The following ZBTB20 variants were observed in gnomAD, a reference collection of about 807,000 sequenced individuals.
The protein encoded by ZBTB20 is zinc finger and BTB domain-containing protein 20.
In ZBTB20, 9 loss-of-function variants were observed where a neutral mutation model predicts 56.9. The ratio of observed to expected loss-of-function variants is 0.16; its 90% CI spans 0.10 to 0.28. ZBTB20 has a LOEUF of 0.28. ZBTB20 is among the 10% of genes least tolerant of loss of function. ZBTB20 has a pLI of 1.00. For missense variants in ZBTB20, 655 were observed against 1,003.0 expected, an observed-to-expected ratio of 0.65 and a Z score of 4.69; for synonymous variants, 417 against 420.7, an observed-to-expected ratio of 0.99 and a Z score of 0.11.
At chr3:114,550,999 G>A (rs1321056421) in intron 6 of ZBTB20, among the ~76,000 whole-genome samples, 1 of 152,058 alleles carries the variant, frequency 6.6e-6, no homozygotes, top group East Asian at 1.9e-4. Context: ...GATCGGCCCA[G>A]CTCAGCCTCC....
chr3:114,784,835 T>A (rs1365234049), intron 5 of ZBTB20, among the ~76,000 whole-genome samples: 2 of 152,218 alleles, frequency 1.3e-5, no homozygotes, highest in Non-Finnish European at 2.9e-5. Flanking sequence ...CTCTTTAGGA[T>A]AGCCTATGAA....
intron 7 of ZBTB20, among the ~76,000 whole-genome samples, chr3:114,432,549 C>T (rs192986623): frequency 6.9e-4 from 105 of 152,250 alleles, no homozygotes; most frequent in African/African-American, 2.3e-3. Context: ...GTAGCATGCA[C>T]GCCACATGTC....
At chr3:114,531,569 A>G (rs183620735) in intron 6 of ZBTB20, among the ~76,000 whole-genome samples, 2 of 152,350 alleles carry the variant, frequency 1.3e-5, no homozygotes, top group Admixed American at 6.5e-5. Flanking sequence ...TCTCACAATC[A>G]GGACTGGATT....
At position 114,887,831 on chromosome 3, in the gene ZBTB20, C is replaced by A. The variant is rs192577249; in HGVS notation, c.-417+12473G>T. On this transcript the variant is annotated intron_variant, in intron 4 of 11. Transcript: ENST00000675478. ...TAGGACTAAAACAGAGGAAGACATA[C>A]AGAAGTTTTATAAGTGTAAATAGTG... Among the ~76,000 whole-genome samples, 116 of 152,168 alleles carry A rather than the reference C, an allele frequency of 7.6e-4. 2 individuals are homozygous for A. The highest frequency in any genetic ancestry group is 2.6e-3 in the African/African-American group (108 of 41,524).
At chr3:115,002,854 C>T (rs1330784364) in intron 2 of ZBTB20, among the ~76,000 whole-genome samples, 2 of 151,628 alleles carry the variant, frequency 1.3e-5, no homozygotes, top group African/African-American at 4.8e-5. Context: ...AAATCCTACA[C>T]ATAAATGTTT....
At chr3:114,804,779 A>C (rs2071978936) in intron 4 of ZBTB20, among the ~76,000 whole-genome samples, 2 of 151,922 alleles carry the variant, frequency 1.3e-5, no homozygotes, top group Admixed American at 1.3e-4. Flanking sequence ...TCTGAAAGAC[A>C]ATCCCAGATA....
At chr3:114,592,997 C>T (rs1027528037) in intron 6 of ZBTB20, among the ~76,000 whole-genome samples, 3 of 152,048 alleles carry the variant, frequency 2.0e-5, no homozygotes, top group Non-Finnish European at 4.4e-5. Flanking sequence ...AGGTAGCTTC[C>T]AGGCCACTAT....
At chr3:114,980,627 T>A (rs995136272) in intron 2 of ZBTB20, among the ~76,000 whole-genome samples, 1 of 151,816 alleles carries the variant, frequency 6.6e-6, no homozygotes, top group South Asian at 2.1e-4. Context: ...TAGATTGATA[T>A]AATAGTTTTG....
chr3:114,475,588 G>T (rs376195957), intron 7 of ZBTB20, among the ~76,000 whole-genome samples: 11 of 152,242 alleles, frequency 7.2e-5, no homozygotes, highest in African/African-American at 2.6e-4. Context: ...AAGGAATGAG[G>T]ATCTTAGAGA....
At chr3:114,616,381 A>T (rs1394490746) in intron 6 of ZBTB20, among the ~76,000 whole-genome samples, 2 of 152,192 alleles carry the variant, frequency 1.3e-5, no homozygotes, top group African/African-American at 4.8e-5. Flanking sequence ...AAGTTTGGGC[A>T]TTCCCTCTGT....
intron 2 of ZBTB20, among the ~76,000 whole-genome samples, chr3:114,977,608 T>C (rs193300896): frequency 6.6e-6 from 1 of 152,280 alleles, no homozygotes; most frequent in East Asian, 1.9e-4. Flanking sequence ...AAATAAATTC[T>C]GTTCTCTAAT....
At chr3:115,094,419 T>G (rs1223382631) in intron 1 of ZBTB20, among the ~76,000 whole-genome samples, 2 of 152,082 alleles carry the variant, frequency 1.3e-5, no homozygotes, top group Non-Finnish European at 2.9e-5. Context: ...TTTAAATGTC[T>G]TGGTGCCTAA....
At chr3:114,922,765 C>T (rs550759975) in intron 3 of ZBTB20, among the ~76,000 whole-genome samples, 1 of 152,208 alleles carries the variant, frequency 6.6e-6, no homozygotes, top group Admixed American at 6.5e-5. Flanking sequence ...GAGAGAGCTG[C>T]CAGGCTCTTT....
rs201659182 is a variant in ZBTB20 at position 114,941,302 on chromosome 3, GTTT to G, written c.-456+33061_-456+33063del. The stretch of plus-strand genomic sequence containing the variant: ...ATGACTTTGAGAAACTAACATAAAT[GTTT>G]TACAAGTCCCATTTTGTGAAAGAGA... On this transcript the variant is annotated intron_variant, in intron 3 of 11. Transcript: ENST00000675478. 7.0e-3 allele frequency among the ~76,000 whole-genome samples: 1,024 copies of G among 146,316 alleles called. 208 individuals carry two copies. Among genetic ancestry groups the G allele is most frequent in the African/African-American group, 0.026 (951 of 36,116 alleles).
chr3:114,821,918 C>T (rs1261918858), intron 4 of ZBTB20, among the ~76,000 whole-genome samples: 1 of 151,774 alleles, frequency 6.6e-6, no homozygotes, highest in East Asian at 1.9e-4. Context: ...TCTTATAATG[C>T]TAAAGCATTG....
chr3:114,434,584 C>T (rs1426764493), intron 7 of ZBTB20, among the ~76,000 whole-genome samples: 3 of 23,260 alleles, frequency 1.3e-4, no homozygotes, highest in Admixed American at 5.9e-4. Flanking sequence ...GTGTATCTTT[C>T]TAAGAGAGAG....
rs2078650039 is a variant in ZBTB20, at chr3:114,315,576, T to TGA, written c.*23428_*23429insTC. On this transcript the variant is annotated 3_prime_UTR_variant, in exon 12 of 12. Coordinates refer to ENST00000675478, the MANE Select transcript of ZBTB20 (RefSeq NM_001348800.3). ...TTTAGGTCTAAACATACAGTGTGTG[T>TGA]GTGTGTGTGTGTGTGTGTGTGTGTG... 6.6e-6 allele frequency: 1 copy of TGA among 151,402 alleles called. No homozygotes were observed. The highest frequency in any genetic ancestry group is 2.5e-5 in the African/African-American group (1 of 40,512). The allele number at this position is 151,402 out of a possible 1,614,324, so 9.4% of individuals were successfully genotyped here.
At chr3:114,347,888 T>C (rs540897123) in intron 11 of ZBTB20, among the ~76,000 whole-genome samples, 1 of 152,350 alleles carries the variant, frequency 6.6e-6, no homozygotes, top group African/African-American at 2.4e-5. Flanking sequence ...GTTCATAATT[T>C]ACTAGAAAAC....
intron 1 of ZBTB20, among the ~76,000 whole-genome samples, chr3:115,110,206 T>TA (rs1217229630): frequency 6.6e-6 from 1 of 150,782 alleles, no homozygotes; most frequent in Non-Finnish European, 1.5e-5. Context: ...GGACTCTGTC[T>TA]TAGAAAAAAA....
Sources: gnomAD v4.1 joint callset for allele counts (sites outside exome capture counted in the v4.1 genomes callset) on GRCh38, gnomAD v4.1.1 for gene constraint, MANE v1.5 for transcripts, NCBI Gene and HGNC (gene_info 2026-07-23, HGNC 2026-07-21) for gene names.